Variants in SH2D4A observed in about 807,000 individuals in gnomAD.
The protein encoded by SH2D4A is SH2 domain-containing protein 4A.
A neutral mutation model predicts 64.7 loss-of-function variants in SH2D4A; 70 were observed. The ratio of observed to expected loss-of-function variants is 1.08; its 90% CI spans 0.89 to 1.32. The LOEUF (loss-of-function observed/expected upper bound fraction) is 1.32, where lower values mean the gene tolerates loss of function less well. Ranked by LOEUF, SH2D4A falls within the 40% of genes most tolerant of loss-of-function variation. The pLI is 0.00. For synonymous variants in SH2D4A, 268 were observed against 200.7 expected (o/e 1.34, Z -2.83); for missense variants, 706 against 540.1 (o/e 1.31, Z -3.04).
intron 2 of SH2D4A, among the ~76,000 whole-genome samples, chr8:19,332,210 G>C (rs1056265234): frequency 6.6e-6 from 1 of 152,200 alleles, no homozygotes; most frequent in Non-Finnish European, 1.5e-5. Context: ...CCCTTGAGCA[G>C]CTGTGGAATT....
intron 1 of SH2D4A, among the ~76,000 whole-genome samples, chr8:19,317,933 C>T (rs1404036891): frequency 6.6e-6 from 1 of 151,504 alleles, no homozygotes; most frequent in Non-Finnish European, 1.5e-5. Flanking sequence ...ACAGAGTCTC[C>T]CTCTGTTGCC....
intron 4 of SH2D4A, among the ~76,000 whole-genome samples, chr8:19,343,894 G>A (rs2052569162): frequency 6.6e-6 from 1 of 152,190 alleles, no homozygotes; most frequent in African/African-American, 2.4e-5. Context: ...TGGAAGGCAG[G>A]GATGGAGTGG....
chr8:19,357,683 C>T (rs1474012837), intron 5 of SH2D4A, among the ~76,000 whole-genome samples: 1 of 152,170 alleles, frequency 6.6e-6, no homozygotes, highest in Admixed American at 6.5e-5. Context: ...TGAGCAGCTG[C>T]TGTGTCCTCC....
Position 19,333,076 on chromosome 8 carries a change from G to T in SH2D4A, c.303G>T (p.Arg101Ser), listed in dbSNP as rs1381897564. ...TCTGTAATGAAATTATTGCTGAGAG[G>T]GCCCGGCTGAAAGCAGAACAGGAGG... ...DVLCNEIIAE[R>S]ARLKAEQEAE... is the part of the protein sequence containing the mutation. Residue 101 changes from arginine (R) to serine (S), a missense_variant, in exon 3 of 10, where the codon AGG becomes AGT. By Grantham distance (110) the Arg-to-Ser change is moderately radical. Coordinates refer to ENST00000265807, the MANE Select transcript of SH2D4A (RefSeq NM_022071.4). The T allele has an allele frequency of 1.9e-6, 3 of 1,613,742 alleles. No individual in the cohort carries two copies. The East Asian group carries it at 6.7e-5, about 36-fold the overall frequency.
chr8:19,346,912 C>T (rs945712402), intron 4 of SH2D4A, among the ~76,000 whole-genome samples: 2 of 152,160 alleles, frequency 1.3e-5, no homozygotes, highest in East Asian at 1.9e-4. Flanking sequence ...GGCCAGGCTT[C>T]GTCCTTCGCA....
At chr8:19,345,352 A>G (rs2052596847) in intron 4 of SH2D4A, among the ~76,000 whole-genome samples, 1 of 152,156 alleles carries the variant, frequency 6.6e-6, no homozygotes, top group Non-Finnish European at 1.5e-5. Context: ...TTAAAGCAAC[A>G]CTCGATGCCT....
At chr8:19,328,085 T>C (rs2052311069) in intron 2 of SH2D4A, among the ~76,000 whole-genome samples, 1 of 152,202 alleles carries the variant, frequency 6.6e-6, no homozygotes, top group Non-Finnish European at 1.5e-5. Flanking sequence ...CGTTTGTTTA[T>C]TGTCAATCAG....
chr8:19,367,512 G>A (rs754903593), intron 7 of SH2D4A, among the ~76,000 whole-genome samples: 81 of 152,096 alleles, frequency 5.3e-4, no homozygotes, highest in Middle Eastern at 3.4e-3. Flanking sequence ...CATTTTTTTC[G>A]TACACCTGTT....
chr8:19,374,082 G>A (rs900013127), intron 8 of SH2D4A, among the ~76,000 whole-genome samples: 9 of 152,164 alleles, frequency 5.9e-5, no homozygotes, highest in African/African-American at 1.2e-4. Context: ...TACTTTTTCC[G>A]TAGGAAATCA....
At chr8:19,392,503 C>T (rs562358602) in intron 8 of SH2D4A, among the ~76,000 whole-genome samples, 14 of 152,218 alleles carry the variant, frequency 9.2e-5, no homozygotes, top group South Asian at 8.3e-4. Flanking sequence ...AGATGTCTCT[C>T]GGACACCTTT....
At chr8:19,340,984 A>C (rs918687558) in intron 4 of SH2D4A, among the ~76,000 whole-genome samples, 1 of 152,224 alleles carries the variant, frequency 6.6e-6, no homozygotes, top group Non-Finnish European at 1.5e-5. Context: ...TGAAACAAAC[A>C]ATACAATACC....
intron 4 of SH2D4A, among the ~76,000 whole-genome samples, chr8:19,355,601 C>G (rs953200837): frequency 6.6e-6 from 1 of 152,194 alleles, no homozygotes; most frequent in Non-Finnish European, 1.5e-5. Flanking sequence ...AGCATAAACT[C>G]TGGCACAAAC....
At chr8:19,314,761 G>A (rs1469360567) in intron 1 of SH2D4A, among the ~76,000 whole-genome samples, 1 of 152,182 alleles carries the variant, frequency 6.6e-6, no homozygotes, top group Non-Finnish European at 1.5e-5. Context: ...CATAGATTTG[G>A]CATATGAGTG....
chr8:19,328,661 G>A (rs907903329), intron 2 of SH2D4A, among the ~76,000 whole-genome samples: 3 of 152,114 alleles, frequency 2.0e-5, no homozygotes, highest in Admixed American at 6.5e-5. Flanking sequence ...ACTGACATGC[G>A]GAGCAGAGCT....
chr8:19,391,539 C>A (rs1018235013), intron 8 of SH2D4A, among the ~76,000 whole-genome samples: 4 of 152,148 alleles, frequency 2.6e-5, no homozygotes, highest in African/African-American at 9.7e-5. Flanking sequence ...TGACTATCTG[C>A]AAGTCGGGGA....
intron 8 of SH2D4A, among the ~76,000 whole-genome samples, chr8:19,392,346 G>A (rs922384194): frequency 2.0e-5 from 3 of 152,018 alleles, no homozygotes; most frequent in Non-Finnish European, 4.4e-5. Flanking sequence ...CTAAATTACT[G>A]AGCCTCCCAC....
chr8:19,355,073 C>G (rs1452231956), intron 4 of SH2D4A, among the ~76,000 whole-genome samples: 1 of 152,124 alleles, frequency 6.6e-6, no homozygotes, highest in African/African-American at 2.4e-5. Flanking sequence ...TGATAAGTAG[C>G]AATTGTGAAA....
intron 1 of SH2D4A, 171 bp downstream of exon 1, chr8:19,313,994 C>T: frequency 8.1e-7 from 1 of 1,233,420 alleles, no homozygotes; most frequent in Non-Finnish European, 1.0e-6. Flanking sequence ...GGGGCGGGCT[C>T]AGGTGCGGGG....
intron 4 of SH2D4A, among the ~76,000 whole-genome samples, chr8:19,350,410 C>T (rs1403872317): frequency 1.3e-5 from 2 of 152,184 alleles, no homozygotes; most frequent in East Asian, 1.9e-4. Context: ...ATATGACTGA[C>T]GTTCTGTGCT....
Sources: allele counts gnomAD v4.1 joint callset (sites outside exome capture counted in the v4.1 genomes callset), GRCh38; gene constraint gnomAD v4.1.1; transcripts MANE v1.5; gene names NCBI Gene and HGNC (gene_info 2026-07-23, HGNC 2026-07-21).